Variants in SHH observed in about 807,000 individuals in gnomAD.
SHH encodes sonic hedgehog protein.
In SHH, 3 loss-of-function variants were observed where a neutral mutation model predicts 16.6. The observed-to-expected ratio is 0.18, with a 90% CI of 0.08 to 0.47. The LOEUF is 0.47. SHH is among the 20% of genes least tolerant of loss of function. SHH has a pLI of 0.98. For synonymous variants in SHH, 351 were observed against 316.2 expected (o/e 1.11, Z -1.17); for missense variants, 499 against 665.0 (o/e 0.75, Z 2.75).
At position 155,803,010 on chromosome 7, in the gene SHH, C is replaced by T. The variant is rs763665589; in HGVS notation, c.1279G>A (p.Gly427Arg). The change falls in exon 3 of 3, where the codon GGG becomes AGG. Residue 427 changes from glycine (G) to arginine (R), a missense_variant. Gly to Arg is a moderately radical substitution (Grantham distance 125, BLOSUM62 -2). This residue lies in a region of SHH where 299 missense variants were observed against 301.1 expected (regional missense o/e 0.99). Coordinates refer to ENST00000297261, the MANE Select transcript of SHH (RefSeq NM_000193.4). Reference protein sequence around the residue: ...APGAADAPGAGATAGIHWYSQ... With the variant: ...APGAADAPGARATAGIHWYSQ... Reference sequence around the variant, plus strand: ...TACCAGTGGATGCCCGCGGTGGCCCCCGCACCCGGAGCGTCGGCAGCACCT... The same window carrying T: ...TACCAGTGGATGCCCGCGGTGGCCCTCGCACCCGGAGCGTCGGCAGCACCT... The T allele has an allele frequency of 2.6e-5, 40 of 1,565,752 alleles. No individual in the cohort carries two copies. Among genetic ancestry groups the T allele is most frequent in the Non-Finnish European group, 2.9e-5 (34 of 1,158,166 alleles).
chr7:155,806,590 A>G (rs1803368719), intron 1 of SHH, 33 bp from the exon 2 acceptor site: 1 of 1,610,388 alleles, frequency 6.2e-7, no homozygotes. Context: ...ACCGACGGAC[A>G]CGTTAGCCTG....
At position 155,802,776 on chromosome 7, in the gene SHH, A is replaced by ATTATTC. The variant is rs9333636; in HGVS notation, c.*118_*123dup. On this transcript the variant is annotated 3_prime_UTR_variant, in exon 3 of 3. Coordinates refer to ENST00000297261, the MANE Select transcript of SHH (RefSeq NM_000193.4). The stretch of plus-strand genomic sequence containing the variant: ...AGTCTACTTTGGACTGTCCTACTTT[A>ATTATTC]TTATTCTTATTCTTATTATAACTCA... 0.17 allele frequency: 92,820 copies of ATTATTC among 545,218 alleles called. 9,742 individuals carry two copies. The highest frequency in any genetic ancestry group is 0.26 in the African/African-American group (13,315 of 50,586). 33.8% of individuals were successfully genotyped at this position (545,218 alleles called of 1,614,324 possible).
At chr7:155,806,664 C>G in intron 1 of SHH, 107 bp from the exon 2 acceptor site, 3 of 1,410,858 alleles carry the variant, frequency 2.1e-6, no homozygotes, top group Non-Finnish European at 3.0e-6. Flanking sequence ...GGCGCGAGGG[C>G]CATGCGGAGA....
At position 155,800,656 on chromosome 7, in the gene SHH, C is replaced by G. The variant is rs145796320; in HGVS notation, c.*2244G>C. On this transcript the variant is annotated 3_prime_UTR_variant, in exon 3 of 3. Coordinates refer to ENST00000297261, the MANE Select transcript of SHH (RefSeq NM_000193.4). ...CGAGATTGTAAACACCAGCCTGGAACCTGCTGACCACCTAGAACACCAAAG... is the reference window on the plus strand; with the variant it reads ...CGAGATTGTAAACACCAGCCTGGAAGCTGCTGACCACCTAGAACACCAAAG... 3 of 470,466 alleles carry G rather than the reference C, an allele frequency of 6.4e-6. No individual in the cohort carries two copies. Among genetic ancestry groups the G allele is most frequent in the African/African-American group, 4.0e-5 (2 of 50,052 alleles). 29.1% of individuals were successfully genotyped at this position (470,466 alleles called of 1,614,324 possible).
chr7:155,803,704 C>A lies in SHH; in HGVS notation c.585G>T (p.Ser195=), dbSNP rs372353493. Residue 195 remains serine (S), a synonymous_variant, in exon 3 of 3, where the codon TCG becomes TCT. Coordinates refer to ENST00000297261, the MANE Select transcript of SHH (RefSeq NM_000193.4). ...TGGCCGAGCCCGGGAAGCAGCCTCC[C>A]GATTTGGCCGCCACCGAGTTCTCTG... ...VKAENSVAAK[S]GGCFPGSATV... 17 of 1,597,458 alleles carry A rather than the reference C, an allele frequency of 1.1e-5. No individual in the cohort carries two copies. The African/African-American group carries it at 1.7e-4, about 16-fold the overall frequency.
At position 155,802,869 on chromosome 7, in the gene SHH, C is replaced by G. The variant is rs761995550; in HGVS notation, c.*31G>C. The G allele has an allele frequency of 1.3e-6, 1 of 789,892 alleles. No homozygotes were observed. Among genetic ancestry groups the G allele is most frequent in the South Asian group, 3.4e-5 (1 of 29,730 alleles). 48.9% of individuals were successfully genotyped at this position (789,892 alleles called of 1,614,324 possible). ...TTGCTGTTGCTGCCCCGCCCCGCCC[C>G]CTCCCGCGCCCCTCCCCCGGCCCCC... On this transcript the variant is annotated 3_prime_UTR_variant, in exon 3 of 3. Transcript: ENST00000297261.
rs1289028962 is a variant in SHH, at chr7:155,803,554, G to A, written c.735C>T (p.Asp245=). 1.3e-6 allele frequency: 2 copies of A among 1,597,374 alleles called. No homozygotes were observed. Among genetic ancestry groups the A allele is most frequent in the African/African-American group, 1.3e-5 (1 of 74,886 alleles). Reference sequence around the variant, plus strand: ...CGTAGAAGACCTTCTTGGCGCCGTCGTCGCGGTCCAGGAAAGTGAGGAAGT... The same window carrying A: ...CGTAGAAGACCTTCTTGGCGCCGTCATCGCGGTCCAGGAAAGTGAGGAAGT... ...YSDFLTFLDR[D]DGAKKVFYVI... is the part of the protein sequence containing the mutation. Residue 245 remains aspartate (D), a synonymous_variant, in exon 3 of 3, where the codon GAC becomes GAT. Transcript: ENST00000297261.
chr7:155,809,126 T>G lies in SHH; in HGVS notation c.301-2569A>C, dbSNP rs963165632. ...AGGAGCCCCCTGGCCGCCAGCACCCTCGCCTGGCACCTAGGCCCGCGCGGG... is the reference window on the plus strand; with the variant it reads ...AGGAGCCCCCTGGCCGCCAGCACCCGCGCCTGGCACCTAGGCCCGCGCGGG... On this transcript the variant is annotated intron_variant, in intron 1 of 2. Coordinates refer to ENST00000297261, the MANE Select transcript of SHH (RefSeq NM_000193.4). The surrounding 1 kb of genome is among the most constrained non-coding windows in gnomAD (Gnocchi z 6.1). 1 of 152,046 alleles carries G rather than the reference T, an allele frequency of 6.6e-6. No homozygotes were observed. The highest frequency in any genetic ancestry group is 1.5e-5 in the Non-Finnish European group (1 of 68,186). 9.4% of individuals were successfully genotyped at this position (152,046 alleles called of 1,614,324 possible).
intron 1 of SHH, among the ~76,000 whole-genome samples, chr7:155,808,688 T>C (rs1803431411): frequency 1.3e-5 from 2 of 152,164 alleles, no homozygotes; most frequent in African/African-American, 4.8e-5. Context: ...AGGCCGGTTA[T>C]TAATTCATTG....
intron 1 of SHH, 124 bp from the exon 2 acceptor site, chr7:155,806,681 G>T: frequency 4.0e-6 from 5 of 1,251,094 alleles, no homozygotes; most frequent in Non-Finnish European, 5.8e-6. Flanking sequence ...GAGAGGTGGG[G>T]AGACGGGGGT....
At position 155,801,328 on chromosome 7, in the gene SHH, A is replaced by G. The variant is rs1220726661; in HGVS notation, c.*1572T>C. ...GGATAGGAGCTTCAGAGAAGATCAA[A>G]CCGGGTCCTCTCTTCTAAGGATGCT... is the stretch of plus-strand genomic sequence containing the variant. On this transcript the variant is annotated 3_prime_UTR_variant, in exon 3 of 3. Coordinates refer to ENST00000297261, the MANE Select transcript of SHH (RefSeq NM_000193.4). 6.6e-6 allele frequency: 1 copy of G among 152,366 alleles called. No individual in the cohort carries two copies. The highest frequency in any genetic ancestry group is 1.5e-5 in the Non-Finnish European group (1 of 68,150). 9.4% of individuals were successfully genotyped at this position (152,366 alleles called of 1,614,324 possible).
rs1466527547 is a variant in SHH, at chr7:155,801,439, G to C, written c.*1461C>G. 2 of 152,346 alleles carry C rather than the reference G, an allele frequency of 1.3e-5. No individual in the cohort carries two copies. The highest frequency in any genetic ancestry group is 6.5e-5 in the Admixed American group (1 of 15,290). 9.4% of individuals were successfully genotyped at this position (152,346 alleles called of 1,614,324 possible). On this transcript the variant is annotated 3_prime_UTR_variant, in exon 3 of 3. Transcript: ENST00000297261. Reference sequence around the variant, plus strand: ...GAGAAGCACAAACAGGGTCAGGCCAGGGGTCTGCCCAGCAACCACACACAG... The same window carrying C: ...GAGAAGCACAAACAGGGTCAGGCCACGGGTCTGCCCAGCAACCACACACAG...
At position 155,803,116 on chromosome 7, in the gene SHH, C is replaced by A. The variant is rs761603545; in HGVS notation, c.1173G>T (p.Ala391=). The change falls in exon 3 of 3, where the codon GCG becomes GCT. Residue 391 remains alanine (A), a synonymous_variant. Coordinates refer to ENST00000297261, the MANE Select transcript of SHH (RefSeq NM_000193.4). ...CCCCGCCGCGGTCCGTGCGCGCGGG[C>A]GCCAGTGCAGCCAGGAGCGCGTGCG... is the stretch of plus-strand genomic sequence containing the variant. ...RLAHALLAAL[A]PARTDRGGDS... The A allele has an allele frequency of 5.2e-6, 7 of 1,354,554 alleles. No individual in the cohort carries two copies. In the South Asian group the frequency reaches 1.2e-4, roughly 24 times the overall value. 83.9% of individuals were successfully genotyped at this position (1,354,554 alleles called of 1,614,324 possible). A position where few individuals can be genotyped will look rare whatever the true frequency, so the allele number is the denominator to read the frequency against.
intron 2 of SHH, among the ~76,000 whole-genome samples, chr7:155,806,024 C>G (rs1803351910): frequency 6.6e-6 from 1 of 152,234 alleles, no homozygotes; most frequent in African/African-American, 2.4e-5. Context: ...CGCTTTCCCA[C>G]CCCCTGCAGT....
At position 155,803,453 on chromosome 7, in the gene SHH, T is replaced by G; in HGVS notation, c.836A>C (p.Asp279Ala). 1 of 1,543,482 alleles carries G rather than the reference T, an allele frequency of 6.5e-7. No individual in the cohort carries two copies. Among genetic ancestry groups the G allele is most frequent in the East Asian group, 2.4e-5 (1 of 41,196 alleles). The change falls in exon 3 of 3, where the codon GAC becomes GCC. Residue 279 changes from aspartate to alanine, a missense_variant. By Grantham distance (126) the Asp-to-Ala change is moderately radical. This residue lies in a region of SHH where 299 missense variants were observed against 301.1 expected (regional missense o/e 0.99). Coordinates refer to ENST00000297261, the MANE Select transcript of SHH (RefSeq NM_000193.4). ...CGCCTCGGGCTCCCCGGTGGCCGAG[T>G]CGTTGTGCGGCGCCACAAAGAGCAG... ...AHLLFVAPHN[D>A]SATGEPEASS... is the part of the protein sequence containing the mutation.
chr7:155,803,166 G>A lies in SHH; in HGVS notation c.1123C>T (p.Arg375Trp), dbSNP rs755458166. 3 of 1,449,150 alleles carry A rather than the reference G, an allele frequency of 2.1e-6. No individual in the cohort carries two copies. The highest frequency in any genetic ancestry group is 1.4e-5 in the South Asian group (1 of 72,754). The allele number at this position is 1,449,150 out of a possible 1,614,324, so 89.8% of individuals were successfully genotyped here. Reference protein sequence around the residue: ...AVIEEHSWAHRAFAPFRLAHA... With the variant: ...AVIEEHSWAHWAFAPFRLAHA... ...GCCAGGCGGAAGGGCGCGAAGGCCC[G>A]GTGCGCCCAGCTGTGCTCCTCGATG... is the stretch of plus-strand genomic sequence containing the variant. Residue 375 changes from arginine (R) to tryptophan (W), a missense_variant, in exon 3 of 3, where the codon CGG (arginine) becomes TGG (tryptophan). By Grantham distance (101) the Arg-to-Trp change is moderately radical. Transcript: ENST00000297261.
chr7:155,804,691 C>T (rs1278595768), intron 2 of SHH, among the ~76,000 whole-genome samples: 1 of 152,212 alleles, frequency 6.6e-6, no homozygotes, highest in African/African-American at 2.4e-5. Flanking sequence ...GTCTCAAGGC[C>T]CCTTGACTAC....
intron 1 of SHH, 27 bp downstream of exon 1, chr7:155,811,796 T>G (rs771827155): frequency 6.2e-7 from 1 of 1,612,532 alleles, no homozygotes; most frequent in East Asian, 2.2e-5. Context: ...AAGCCACACA[T>G]TCCACGCCCC....
At chr7:155,810,786 C>T (rs1803507081) in intron 1 of SHH, among the ~76,000 whole-genome samples, 1 of 152,202 alleles carries the variant, frequency 6.6e-6, no homozygotes, top group East Asian at 1.9e-4. Context: ...AGCCGCTGTA[C>T]GCACCTAGCC....
Sources: gnomAD v4.1 joint callset for allele counts (sites outside exome capture counted in the v4.1 genomes callset) on GRCh38, gnomAD v4.1.1 for gene constraint, gnomAD v4.1.1 regional missense constraint, Gnocchi (gnomAD v3.1) non-coding constraint, MANE v1.5 for transcripts, NCBI Gene and HGNC (gene_info 2026-07-23, HGNC 2026-07-21) for gene names.